The following SLC24A5 variants were observed in gnomAD, a reference collection of about 807,000 sequenced individuals.
SLC24A5 encodes the protein sodium/potassium/calcium exchanger 5.
Under a neutral mutation model 51.6 loss-of-function variants are expected in SLC24A5, and 46 were observed. The ratio of observed to expected loss-of-function variants is 0.89; its 90% CI spans 0.70 to 1.14. The LOEUF (loss-of-function observed/expected upper bound fraction) is 1.14. SLC24A5 is among the 50% of genes most tolerant of loss of function. The probability of loss-of-function intolerance (pLI) is 0.00; values close to 1 mark genes in which losing one functional copy is unlikely to be tolerated. For synonymous variants in SLC24A5, 230 were observed against 214.9 expected (o/e 1.07, Z -0.62); for missense variants, 581 against 604.1 (o/e 0.96, Z 0.40).
chr15:48,141,800 C>A, intron 8 of SLC24A5: 1 of 306,948 alleles, frequency 3.3e-6, no homozygotes, highest in Non-Finnish European at 5.9e-6. Flanking sequence ...AGCTATATAC[C>A]TTATTGAAAA....
chr15:48,130,868 G>A (rs1856901904), intron 2 of SLC24A5, among the ~76,000 whole-genome samples: 1 of 151,930 alleles, frequency 6.6e-6, no homozygotes, highest in Non-Finnish European at 1.5e-5. Flanking sequence ...TGTTCTAATG[G>A]GCCTAAGTGC....
chr15:48,135,063 T>C, intron 5 of SLC24A5, 79 bp downstream of exon 5: 3 of 1,150,184 alleles, frequency 2.6e-6, no homozygotes, highest in Non-Finnish European at 3.8e-6. Context: ...TTTTCAGAAA[T>C]GTTATTTCAG....
intron 2 of SLC24A5, among the ~76,000 whole-genome samples, chr15:48,126,623 T>C (rs927226153): frequency 9.9e-5 from 15 of 152,134 alleles, no homozygotes; most frequent in African/African-American, 3.6e-4. Context: ...AGGAATAAAC[T>C]AAGGAGAGCT....
chr15:48,141,821 A>G (rs373649412), intron 8 of SLC24A5: 29 of 348,682 alleles, frequency 8.3e-5, no homozygotes, highest in South Asian at 5.4e-4. Flanking sequence ...ATGGTTTAAT[A>G]AATATAATTA....
In SLC24A5 at chr15:48,134,947, G is replaced by C. The variant is rs1222023482; in HGVS notation, c.553G>C (p.Ala185Pro). ...DCAAYTISAA[A>P]VLGIIYDNQV... ...TGCAGCGTACACAATTAGTGCAGCA[G>C]CAGTTCTTGGTATAATATATGACAA... is the stretch of plus-strand genomic sequence containing the variant. Residue 185 changes from alanine to proline, a missense_variant, in exon 5 of 9, where the codon GCA (alanine) becomes CCA (proline). Transcript: ENST00000341459. 2 of 1,612,216 alleles carry C rather than the reference G, an allele frequency of 1.2e-6. No individual in the cohort carries two copies. The highest frequency in any genetic ancestry group is 1.7e-6 in the Non-Finnish European group (2 of 1,178,792).
intron 1 of SLC24A5, 99 bp downstream of exon 1, chr15:48,121,264 C>A: frequency 7.9e-7 from 1 of 1,262,520 alleles, no homozygotes; most frequent in East Asian, 2.5e-5. Context: ...TCTCAATGGG[C>A]TCACTTTTAC....
At chr15:48,131,288 A>G (rs1340152866) in intron 2 of SLC24A5, among the ~76,000 whole-genome samples, 1 of 152,092 alleles carries the variant, frequency 6.6e-6, no homozygotes, top group Non-Finnish European at 1.5e-5. Flanking sequence ...GTATGCATGT[A>G]TATGTGTATA....
Position 48,122,044 on chromosome 15 carries a change from G to C in SLC24A5, c.301+8G>C. 6.2e-7 allele frequency: 1 copy of C among 1,614,068 alleles called. No individual in the cohort carries two copies. Among genetic ancestry groups the C allele is most frequent in the Non-Finnish European group, 8.5e-7 (1 of 1,179,962 alleles). ...TGGAAATCATCAGTGAATGTAAGTGGCTGGAAAGTTGCCCTGTAACCTTCT... is the reference window on the plus strand; with the variant it reads ...TGGAAATCATCAGTGAATGTAAGTGCCTGGAAAGTTGCCCTGTAACCTTCT... On this transcript the variant is annotated splice_region_variant and intron_variant, in intron 2 of 8. Transcript: ENST00000341459.
chr15:48,136,628 C>T, intron 5 of SLC24A5, 55 bp from the exon 6 acceptor site: 1 of 1,483,454 alleles, frequency 6.7e-7, no homozygotes, highest in South Asian at 1.3e-5. Flanking sequence ...CAAAAGCTAT[C>T]AACTCTAAAA....
chr15:48,121,897 T>G lies in SLC24A5; in HGVS notation c.162T>G (p.Phe54Leu). ...GTGTTATTTCTCCATCATCGGAGTTTCCCGAAGGGTTTTTCACGAGACAGG... is the reference window on the plus strand; with the variant it reads ...GTGTTATTTCTCCATCATCGGAGTTGCCCGAAGGGTTTTTCACGAGACAGG... Reference protein sequence around the residue: ...TQCVISPSSEFPEGFFTRQER... With the variant: ...TQCVISPSSELPEGFFTRQER... Residue 54 changes from phenylalanine to leucine, a missense_variant, in exon 2 of 9, where the codon TTT becomes TTG. By Grantham distance (22) the Phe-to-Leu change is conservative. Coordinates refer to ENST00000341459, the MANE Select transcript of SLC24A5 (RefSeq NM_205850.3). 6.2e-7 allele frequency: 1 copy of G among 1,614,190 alleles called. No homozygotes were observed. Among genetic ancestry groups the G allele is most frequent in the Non-Finnish European group, 8.5e-7 (1 of 1,180,018 alleles).
intron 6 of SLC24A5, chr15:48,138,220 T>A (rs2038949821): frequency 6.6e-6 from 1 of 152,106 alleles, no homozygotes; most frequent in Admixed American, 6.6e-5. Flanking sequence ...AGTTTTAACA[T>A]GATTTCATCC....
Position 48,142,158 on chromosome 15 carries a change from G to A in SLC24A5, c.1310G>A (p.Gly437Glu). ...GCTCCTGCAGAAGTAAACAGCAGAG[G>A]ACTAACTTACATAACCATCTCTCTC... ...GSAPAEVNSR[G>E]LTYITISLNI... The change falls in exon 9 of 9, where the codon GGA becomes GAA. Residue 437 changes from glycine (G) to glutamate (E), a missense_variant. Coordinates refer to ENST00000341459, the MANE Select transcript of SLC24A5 (RefSeq NM_205850.3). The A allele has an allele frequency of 6.2e-7, 1 of 1,613,834 alleles. No homozygotes were observed. Among genetic ancestry groups the A allele is most frequent in the Non-Finnish European group, 8.5e-7 (1 of 1,179,900 alleles).
chr15:48,122,413 T>G (rs772665556), intron 2 of SLC24A5: 2 of 331,070 alleles, frequency 6.0e-6, no homozygotes, highest in African/African-American at 2.1e-5. Context: ...AAAACTTTTT[T>G]TTATTTTTAC....
At position 48,134,998 on chromosome 15, in the gene SLC24A5, T is replaced by G. The variant is rs1346532966; in HGVS notation, c.590+14T>G. On this transcript the variant is annotated intron_variant, in intron 5 of 8. Transcript: ENST00000341459. ...CCAAGTTTACTGGTAAGCTTGAAAATAATTCTTATGTAAAAATTAGAGATT... is the reference window on the plus strand; with the variant it reads ...CCAAGTTTACTGGTAAGCTTGAAAAGAATTCTTATGTAAAAATTAGAGATT... 14 of 1,563,966 alleles carry G rather than the reference T, an allele frequency of 9.0e-6. No individual in the cohort carries two copies. Among genetic ancestry groups the G allele is most frequent in the Non-Finnish European group, 1.2e-5 (14 of 1,144,676 alleles).
At chr15:48,122,597 T>C (rs1453158710) in intron 2 of SLC24A5, 1 of 154,238 alleles carries the variant, frequency 6.5e-6, no homozygotes, top group African/African-American at 2.4e-5. Flanking sequence ...AGACATCAGA[T>C]GACTGTAAAA....
chr15:48,124,403 C>T (rs2038710525), intron 2 of SLC24A5: 1 of 151,906 alleles, frequency 6.6e-6, no homozygotes, highest in African/African-American at 2.4e-5. Context: ...CCTTTTTGTA[C>T]ATTCTTATGC....
rs376395790 is a variant in SLC24A5, at chr15:48,136,788, C to T, written c.696C>T (p.Cys232=). The T allele has an allele frequency of 5.0e-5, 81 of 1,613,628 alleles. No individual in the cohort carries two copies. The African/African-American group carries it at 7.3e-4, about 15-fold the overall frequency. ...TTATAAAGAAATGCAGTCCTTGCTGCGCCTGTCTTGCCAAAGCTATGGAGA... is the reference window on the plus strand; with the variant it reads ...TTATAAAGAAATGCAGTCCTTGCTGTGCCTGTCTTGCCAAAGCTATGGAGA... ...QYIIKKCSPC[C]ACLAKAMERS... The change falls in exon 6 of 9, where the codon TGC becomes TGT. Residue 232 remains cysteine, a synonymous_variant. Coordinates refer to ENST00000341459, the MANE Select transcript of SLC24A5 (RefSeq NM_205850.3).
chr15:48,134,599 C>T (rs977649561), intron 4 of SLC24A5, 61 bp downstream of exon 4: 3 of 1,359,684 alleles, frequency 2.2e-6, no homozygotes, highest in South Asian at 1.2e-5. Context: ...GATAACTGTT[C>T]GTCGTCTGGG....
chr15:48,140,797 AC>A (rs1242857898), intron 7 of SLC24A5: 1 of 255,638 alleles, frequency 3.9e-6, no homozygotes, highest in East Asian at 9.5e-5. Flanking sequence ...AATATTCAGC[AC>A]AGCCCTGATG....
Sources: gnomAD v4.1 joint callset for allele counts (sites outside exome capture counted in the v4.1 genomes callset) on GRCh38, gnomAD v4.1.1 for gene constraint, MANE v1.5 for transcripts, NCBI Gene and HGNC (gene_info 2026-07-23, HGNC 2026-07-21) for gene names.